CEP250: variants seen among roughly 807,000 people sequenced by gnomAD.
CEP250 encodes centrosomal protein 250.
CEP250 carries 242 observed loss-of-function variants against 315.7 expected under a neutral mutation model. The ratio of observed to expected loss-of-function variants is 0.77; its 90% CI spans 0.69 to 0.85. The LOEUF is 0.85. CEP250 is among the 40% of genes least tolerant of loss of function. The pLI is 0.00. For synonymous variants in CEP250, 1,088 were observed against 1,175.0 expected (o/e 0.93, Z 1.51); for missense variants, 2,515 against 2,886.4 (o/e 0.87, Z 2.95).
chr20:35,479,383 G>A lies in CEP250; in HGVS notation c.2247G>A (p.Glu749=), dbSNP rs2063273515. 6.2e-7 allele frequency: 1 copy of A among 1,614,188 alleles called. No individual in the cohort carries two copies. The highest frequency in any genetic ancestry group is 8.5e-7 in the Non-Finnish European group (1 of 1,180,034). Residue 749 remains glutamate (E), a synonymous_variant, in exon 18 of 35, where the codon GAG becomes GAA. Coordinates refer to ENST00000397527, the MANE Select transcript of CEP250 (RefSeq NM_007186.6). ...AALEVRLQAV[E]RDRQDLAEQL... Reference sequence around the variant, plus strand: ...TAGAGGTGCGGCTGCAGGCCGTGGAGCGTGACCGGCAGGACCTCGCTGAAC... The same window carrying A: ...TAGAGGTGCGGCTGCAGGCCGTGGAACGTGACCGGCAGGACCTCGCTGAAC...
intron 1 of CEP250, among the ~76,000 whole-genome samples, chr20:35,456,876 G>A (rs1201152749): frequency 6.6e-6 from 1 of 151,316 alleles, no homozygotes; most frequent in Non-Finnish European, 1.5e-5. Flanking sequence ...CTGTCTCCCA[G>A]GTTCAGGCGA....
At chr20:35,497,417 G>A (rs549587605) in intron 25 of CEP250, among the ~76,000 whole-genome samples, 3 of 152,310 alleles carry the variant, frequency 2.0e-5, no homozygotes, top group South Asian at 4.1e-4. Context: ...TAGGCGCAGC[G>A]TCGAGGTTTC....
chr20:35,477,378 C>T (rs887697854), intron 16 of CEP250, among the ~76,000 whole-genome samples: 6 of 152,040 alleles, frequency 3.9e-5, no homozygotes, highest in African/African-American at 1.2e-4. Flanking sequence ...TGATCTTGAA[C>T]TCCTGGCCTC....
rs900821343 is a variant in CEP250, at chr20:35,517,968, A to G, written c.*6342A>G. The G allele has an allele frequency of 9.3e-5, 14 of 151,250 alleles. No individual in the cohort carries two copies. Among genetic ancestry groups the G allele is most frequent in the Admixed American group, 3.3e-4 (5 of 15,190 alleles). 9.4% of individuals were successfully genotyped at this position (151,250 alleles called of 1,614,324 possible). ...TGAGGTGGGAGGATCACCTGAGCCC[A>G]GGGAGGTCAAGGTTGCAGTGAACCA... On this transcript the variant is annotated 3_prime_UTR_variant, in exon 35 of 35. Coordinates refer to ENST00000397527, the MANE Select transcript of CEP250 (RefSeq NM_007186.6).
intron 16 of CEP250, among the ~76,000 whole-genome samples, chr20:35,477,084 C>T (rs11908613): frequency 0.014 from 2,172 of 151,360 alleles, 41 homozygotes; most frequent in African/African-American, 0.05. Context: ...GATCTTGGCT[C>T]GCTGCAACCT....
intron 18 of CEP250, 51 bp from the exon 19 acceptor site, chr20:35,479,595 G>A (rs1485102647): frequency 5.0e-6 from 8 of 1,600,582 alleles, no homozygotes; most frequent in Non-Finnish European, 6.8e-6. Flanking sequence ...TCTTGAGGAA[G>A]GGTAAGGGGC....
chr20:35,479,945 C>T (rs762841593), intron 19 of CEP250, 31 bp from the exon 20 acceptor site: 75 of 1,608,738 alleles, frequency 4.7e-5, no homozygotes, highest in Admixed American at 8.4e-5. Flanking sequence ...AAGGAGGGGG[C>T]GGAGGCCTGA....
At position 35,513,574 on chromosome 20, in the gene CEP250, T is replaced by C. The variant is rs2064399699; in HGVS notation, c.*1948T>C. ...CGCCCGGCCCTTTAGGCCATTTTTA[T>C]GCTAGGAGTTGTCAGAGACAAGACT... On this transcript the variant is annotated 3_prime_UTR_variant, in exon 35 of 35. Transcript: ENST00000397527. The C allele has an allele frequency of 6.6e-6, 1 of 152,228 alleles. No homozygotes were observed. The highest frequency in any genetic ancestry group is 6.5e-5 in the Admixed American group (1 of 15,292). The allele number at this position is 152,228 out of a possible 1,614,324, so 9.4% of individuals were successfully genotyped here.
intron 8 of CEP250, 53 bp from the exon 9 acceptor site, chr20:35,467,251 C>G: frequency 1.3e-6 from 2 of 1,580,098 alleles, no homozygotes; most frequent in Non-Finnish European, 1.7e-6. Flanking sequence ...CTGATCACCA[C>G]ACTCCTTCCC....
rs190490761 is a variant in CEP250, at chr20:35,516,464, G to T, written c.*4838G>T. 3.3e-5 allele frequency: 5 copies of T among 152,224 alleles called. No individual in the cohort carries two copies. In the East Asian group the frequency reaches 9.6e-4, roughly 29 times the overall value. The allele number at this position is 152,224 out of a possible 1,614,324, so 9.4% of individuals were successfully genotyped here. On this transcript the variant is annotated 3_prime_UTR_variant, in exon 35 of 35. Transcript: ENST00000397527. Reference sequence around the variant, plus strand: ...ACTGATGGCCTCGGCTTCTGCTGTTGTATGTGGTTTGATGATTCATGCTGG... The same window carrying T: ...ACTGATGGCCTCGGCTTCTGCTGTTTTATGTGGTTTGATGATTCATGCTGG...
At chr20:35,457,428 A>C (rs1489435653) in intron 1 of CEP250, among the ~76,000 whole-genome samples, 1 of 152,004 alleles carries the variant, frequency 6.6e-6, no homozygotes, top group Non-Finnish European at 1.5e-5. Context: ...CAGTGGCGTG[A>C]TCACAGCTCA....
intron 20 of CEP250, among the ~76,000 whole-genome samples, chr20:35,480,850 A>T (rs2063327528): frequency 6.6e-6 from 1 of 151,938 alleles, no homozygotes; most frequent in Non-Finnish European, 1.5e-5. Context: ...AGCCTCCTAA[A>T]GTGCAGGGTA....
At chr20:35,472,896 G>A in intron 12 of CEP250, 65 bp downstream of exon 12, 1 of 1,525,888 alleles carries the variant, frequency 6.6e-7, no homozygotes, top group South Asian at 1.1e-5. Flanking sequence ...TGTGCCTCAG[G>A]TACCTCCCTA....
intron 28 of CEP250, 42 bp from the exon 29 acceptor site, chr20:35,501,803 C>G (rs770335418): frequency 2.6e-6 from 4 of 1,533,914 alleles, no homozygotes; most frequent in Admixed American, 4.1e-5. Context: ...AAACATGGGT[C>G]TTACTCCACT....
At chr20:35,483,480 C>T (rs1473723356) in intron 20 of CEP250, among the ~76,000 whole-genome samples, 2 of 151,684 alleles carry the variant, frequency 1.3e-5, no homozygotes, top group South Asian at 2.1e-4. Flanking sequence ...CAGCCTCCGA[C>T]GAACTGCAAC....
chr20:35,512,000 C>T lies in CEP250; in HGVS notation c.*374C>T. On this transcript the variant is annotated 3_prime_UTR_variant, in exon 35 of 35. Coordinates refer to ENST00000397527, the MANE Select transcript of CEP250 (RefSeq NM_007186.6). ...TTTTCTGCTGCTGTCTCCACTTGTG[C>T]AGCTGGGTGGCAGCACCACATCAAG... 1.9e-6 allele frequency: 2 copies of T among 1,045,472 alleles called. No homozygotes were observed. Among genetic ancestry groups the T allele is most frequent in the South Asian group, 3.9e-5 (1 of 25,518 alleles). The allele number at this position is 1,045,472 out of a possible 1,614,324, so 64.8% of individuals were successfully genotyped here. A position where few individuals can be genotyped will look rare whatever the true frequency, so the allele number is the denominator to read the frequency against.
chr20:35,482,518 C>T (rs1263570950), intron 20 of CEP250, among the ~76,000 whole-genome samples: 1 of 151,804 alleles, frequency 6.6e-6, no homozygotes, highest in Non-Finnish European at 1.5e-5. Context: ...GGATTACAGG[C>T]GTGAGCCACC....
intron 30 of CEP250, among the ~76,000 whole-genome samples, chr20:35,506,679 C>T (rs772776866): frequency 2.3e-4 from 35 of 152,158 alleles, no homozygotes; most frequent in Admixed American, 1.1e-3. Flanking sequence ...GGAGGTCCAT[C>T]TGTGAACTCC....
chr20:35,511,464 C>G lies in CEP250; in HGVS notation c.7167C>G (p.His2389Gln). 1 of 1,614,188 alleles carries G rather than the reference C, an allele frequency of 6.2e-7. No individual in the cohort carries two copies. ...QTSRELAGLHHSLSHSLLAVA... is the reference protein window; with the variant it reads ...QTSRELAGLHQSLSHSLLAVA... Reference sequence around the variant, plus strand: ...GCCGTGAGCTAGCAGGCCTGCACCACAGCCTCTCACACTCACTTCTTGCCG... The same window carrying G: ...GCCGTGAGCTAGCAGGCCTGCACCAGAGCCTCTCACACTCACTTCTTGCCG... Residue 2389 changes from histidine (H) to glutamine (Q), a missense_variant, in exon 35 of 35, where the codon CAC becomes CAG. His to Gln is a conservative substitution (Grantham distance 24). Transcript: ENST00000397527.
Sources: gnomAD v4.1 joint callset for allele counts (sites outside exome capture counted in the v4.1 genomes callset) on GRCh38, gnomAD v4.1.1 for gene constraint, MANE v1.5 for transcripts, NCBI Gene and HGNC (gene_info 2026-07-23, HGNC 2026-07-21) for gene names.